Variants in MAGI2 observed in about 807,000 individuals in gnomAD.
MAGI2 encodes the protein membrane-associated guanylate kinase, WW and PDZ domain-containing protein 2.
In MAGI2, 35 loss-of-function variants were observed where a neutral mutation model predicts 133.3. That is an observed-to-expected ratio of 0.26 (90% CI 0.20 to 0.35). The LOEUF (loss-of-function observed/expected upper bound fraction) is 0.35. Ranked by LOEUF, MAGI2 falls within the 10% of genes least tolerant of loss-of-function variation. The probability of loss-of-function intolerance (pLI) is 1.00; values close to 1 mark genes in which losing one functional copy is unlikely to be tolerated. For missense variants in MAGI2, 1,636 were observed against 1,863.4 expected (o/e 0.88, Z 2.25); for synonymous variants, 729 against 710.6 (o/e 1.03, Z -0.41).
rs966145612 is a variant in MAGI2, at chr7:79,088,444, A to G, written c.302-81238T>C. Among the ~76,000 whole-genome samples, 7 of 152,116 alleles carry G rather than the reference A, an allele frequency of 4.6e-5. No individual in the cohort carries two copies. In the East Asian group the frequency reaches 1.4e-3, roughly 29 times the overall value. On this transcript the variant is annotated intron_variant, in intron 1 of 21. Transcript: ENST00000354212. ...TATGGGATTTTCTAAATATACAATCATGTCATCTGCAAACAGAGACAATTT... is the reference window on the plus strand; with the variant it reads ...TATGGGATTTTCTAAATATACAATCGTGTCATCTGCAAACAGAGACAATTT...
chr7:78,407,808 T>A (rs948899005), intron 6 of MAGI2, among the ~76,000 whole-genome samples: 2 of 151,924 alleles, frequency 1.3e-5, no homozygotes, highest in African/African-American at 4.8e-5. Flanking sequence ...TGTCTCTTAC[T>A]GAGGTGCCTT....
intron 2 of MAGI2, among the ~76,000 whole-genome samples, chr7:78,825,841 G>A (rs1355857868): frequency 1.3e-5 from 2 of 152,102 alleles, no homozygotes; most frequent in Non-Finnish European, 2.9e-5. Flanking sequence ...CTGAAAAATT[G>A]AGATGTCTCC....
At position 79,260,319 on chromosome 7, in the gene MAGI2, G is replaced by A. The variant is rs145335250; in HGVS notation, c.301+192701C>T. Among the ~76,000 whole-genome samples, 508 of 152,184 alleles carry A rather than the reference G, an allele frequency of 3.3e-3. 1 individual carries two copies. Among genetic ancestry groups the A allele is most frequent in the African/African-American group, 0.012 (489 of 41,528 alleles). On this transcript the variant is annotated intron_variant, in intron 1 of 21. Transcript: ENST00000354212. ...TGCAGTGAGCTGAGATCGTGCCACT[G>A]CACTCCAGCCTGGGTGACACAGTGA...
chr7:78,390,252 T>A (rs1416354124), intron 6 of MAGI2, among the ~76,000 whole-genome samples: 1 of 152,164 alleles, frequency 6.6e-6, no homozygotes, highest in Non-Finnish European at 1.5e-5. Context: ...GGAAAATACA[T>A]ACAAATCAAT....
intron 2 of MAGI2, among the ~76,000 whole-genome samples, chr7:78,853,451 G>T (rs1228326769): frequency 7.2e-6 from 1 of 137,946 alleles, no homozygotes; most frequent in African/African-American, 2.7e-5. Flanking sequence ...TATCTCCTGG[G>T]CTCAAGCCAT....
At chr7:78,467,883 T>A (rs34174742) in intron 6 of MAGI2, among the ~76,000 whole-genome samples, 27,984 of 152,116 alleles carry the variant, frequency 0.18, 2,819 homozygotes, top group African/African-American at 0.26. Context: ...ATATAAATTG[T>A]CACAAGATAT....
intron 1 of MAGI2, among the ~76,000 whole-genome samples, chr7:79,289,129 G>C (rs1836261547): frequency 1.3e-5 from 2 of 152,132 alleles, no homozygotes; most frequent in African/African-American, 4.8e-5. Context: ...TCTCTGCTGG[G>C]CTAAGAGTGG....
At position 78,168,188 on chromosome 7, in the gene MAGI2, C is replaced by T; in HGVS notation, c.2404-80G>A. ...TTTTTTTTTTCGAAACAGAGTCTCG[C>T]TTCGTTGCCCAAGCTGAAGTACAGT... On this transcript the variant is annotated intron_variant, in intron 14 of 21. Transcript: ENST00000354212. 17 of 1,307,740 alleles carry T rather than the reference C, an allele frequency of 1.3e-5. No homozygotes were observed. The South Asian group carries it at 2.2e-4, about 17-fold the overall frequency. 81.0% of individuals were successfully genotyped at this position (1,307,740 alleles called of 1,614,324 possible). A position where few individuals can be genotyped will look rare whatever the true frequency, so the allele number is the denominator to read the frequency against.
chr7:79,437,881 A>G (rs1220431206), intron 1 of MAGI2, among the ~76,000 whole-genome samples: 1 of 152,178 alleles, frequency 6.6e-6, no homozygotes, highest in African/African-American at 2.4e-5. Context: ...TGATGAATCA[A>G]TTCCATATGC....
At chr7:79,367,082 C>T (rs749398965) in intron 1 of MAGI2, among the ~76,000 whole-genome samples, 1 of 152,198 alleles carries the variant, frequency 6.6e-6, no homozygotes, top group Non-Finnish European at 1.5e-5. Flanking sequence ...TGCAAATTAA[C>T]TGATCCTGGC....
chr7:79,169,530 A>G (rs1825310872), intron 1 of MAGI2, among the ~76,000 whole-genome samples: 2 of 152,090 alleles, frequency 1.3e-5, no homozygotes. Flanking sequence ...GGCAGCGCAA[A>G]ACCTTGTCCT....
At chr7:79,040,874 A>C (rs1201393817) in intron 1 of MAGI2, among the ~76,000 whole-genome samples, 12 of 152,178 alleles carry the variant, frequency 7.9e-5, no homozygotes, top group African/African-American at 2.7e-4. Flanking sequence ...TAAATTACCC[A>C]GTCTCAGGTA....
In MAGI2 at chr7:78,249,032, A is replaced by T. The variant is rs139696573; in HGVS notation, c.2047+6911T>A. 8.7e-4 allele frequency among the ~76,000 whole-genome samples: 133 copies of T among 152,238 alleles called. No homozygotes were observed. In the East Asian group the frequency reaches 0.019, roughly 22 times the overall value. ...CTCAAACAGCTTAACAGCTAAAAAA[A>T]AATAATAAAAAAAAAGTGCGAAAGA... On this transcript the variant is annotated intron_variant, in intron 10 of 21. Coordinates refer to ENST00000354212, the MANE Select transcript of MAGI2 (RefSeq NM_012301.4).
chr7:79,070,116 G>A (rs1018798451), intron 1 of MAGI2, among the ~76,000 whole-genome samples: 9 of 151,882 alleles, frequency 5.9e-5, no homozygotes, highest in South Asian at 4.1e-4. Flanking sequence ...TATCTTTGTC[G>A]TGTTCTCTGT....
At chr7:78,570,312 T>C (rs866007911) in intron 3 of MAGI2, among the ~76,000 whole-genome samples, 51 of 152,326 alleles carry the variant, frequency 3.3e-4, no homozygotes, top group Middle Eastern at 6.8e-3. Flanking sequence ...GTAAATATGA[T>C]TGAAACATTA....
At chr7:79,331,215 T>C (rs1030951110) in intron 1 of MAGI2, among the ~76,000 whole-genome samples, 1 of 152,166 alleles carries the variant, frequency 6.6e-6, no homozygotes, top group African/African-American at 2.4e-5. Context: ...TTAAAGGCTT[T>C]GTGGTCCAGC....
At chr7:78,516,572 T>G (rs62468567) in intron 4 of MAGI2, among the ~76,000 whole-genome samples, 11,828 of 152,232 alleles carry the variant, frequency 0.078, 590 homozygotes, top group Non-Finnish European at 0.11. Flanking sequence ...AGGCTGGTCT[T>G]GAATTCCTGA....
intron 2 of MAGI2, among the ~76,000 whole-genome samples, chr7:78,670,775 A>T (rs1473786236): frequency 1.3e-5 from 2 of 152,182 alleles, no homozygotes. Context: ...TCTTTAACAC[A>T]AGTTTGAAAA....
At chr7:78,382,692 C>A (rs1455459523) in intron 6 of MAGI2, among the ~76,000 whole-genome samples, 1 of 152,030 alleles carries the variant, frequency 6.6e-6, no homozygotes, top group African/African-American at 2.4e-5. Context: ...CTATCGAACA[C>A]TGAATTTATT....
Sources: allele counts gnomAD v4.1 joint callset (sites outside exome capture counted in the v4.1 genomes callset), GRCh38; gene constraint gnomAD v4.1.1; transcripts MANE v1.5; gene names NCBI Gene and HGNC (gene_info 2026-07-23, HGNC 2026-07-21).